The following DNAAF9 variants were observed in gnomAD, a reference collection of about 807,000 sequenced individuals.
The protein encoded by DNAAF9 is shulin.
In DNAAF9, 90 loss-of-function variants were observed where a neutral mutation model predicts 167.0. The ratio of observed to expected loss-of-function variants is 0.54; its 90% CI spans 0.45 to 0.64. The LOEUF (loss-of-function observed/expected upper bound fraction) is 0.64, where lower values mean the gene tolerates loss of function less well. DNAAF9 is among the 30% of genes least tolerant of loss of function. The probability of loss-of-function intolerance (pLI) is 0.00; values close to 1 mark genes in which losing one functional copy is unlikely to be tolerated. For missense variants in DNAAF9, 1,315 were observed against 1,442.2 expected (o/e 0.91, Z 1.43); for synonymous variants, 491 against 508.8 (o/e 0.96, Z 0.47).
chr20:3,350,148 G>GACACACACACACACACACACAC (rs1324124710), intron 7 of DNAAF9, among the ~76,000 whole-genome samples: 39 of 68,932 alleles, frequency 5.7e-4, no homozygotes, highest in Non-Finnish European at 1.2e-3. Context: ...CAGACACACA[G>GACACACACACACACACACACAC]ACACACAGAC....
At chr20:3,360,637 C>T (rs1034884811) in intron 6 of DNAAF9, among the ~76,000 whole-genome samples, 2 of 152,154 alleles carry the variant, frequency 1.3e-5, no homozygotes, top group Non-Finnish European at 2.9e-5. Context: ...ACACCGGGTT[C>T]TTTCTTAATC....
Position 3,253,726 on chromosome 20 carries a change from G to A in DNAAF9, c.3421C>T (p.Leu1141Phe), listed in dbSNP as rs766713302. 43 of 1,586,810 alleles carry A rather than the reference G, an allele frequency of 2.7e-5. No homozygotes were observed. In the Admixed American group the frequency reaches 4.2e-4, roughly 15 times the overall value. ...AGGGACCACGCTGTTCCAAGGATACGTGGGTGAAAATCAGTTTTGTCACCA... is the reference window on the plus strand; with the variant it reads ...AGGGACCACGCTGTTCCAAGGATACATGGGTGAAAATCAGTTTTGTCACCA... Reference protein sequence around the residue: ...FFGDKTDFHPLMDQFMNDYVE... With the variant: ...FFGDKTDFHPFMDQFMNDYVE... The change falls in exon 36 of 37, where the codon CTC (leucine) becomes TTC (phenylalanine). Residue 1141 changes from leucine to phenylalanine, a missense_variant and splice_region_variant. This residue lies in a region of DNAAF9 where 334 missense variants were observed against 429.7 expected (regional missense o/e 0.78). Coordinates refer to ENST00000252032, the MANE Select transcript of DNAAF9 (RefSeq NM_001009984.3).
chr20:3,304,445 C>G lies in DNAAF9; in HGVS notation c.1777G>C (p.Asp593His), dbSNP rs372469664. The change falls in exon 21 of 37, where the codon GAT becomes CAT. Residue 593 changes from aspartate to histidine, a missense_variant. Physicochemically the swap from Asp to His is moderately conservative, Grantham distance 81. Transcript: ENST00000252032. Reference protein sequence around the residue: ...KDHMNSISFYDGDSTSTVAAL... With the variant: ...KDHMNSISFYHGDSTSTVAAL... ...CTGACTAGTAAAACACCTACCCCAT[C>G]ATAGAAGGAAATGGAATTCATGTGA... The G allele has an allele frequency of 1.1e-5, 16 of 1,412,482 alleles. No individual in the cohort carries two copies. In the African/African-American group the frequency reaches 2.1e-4, roughly 19 times the overall value. 87.5% of individuals were successfully genotyped at this position (1,412,482 alleles called of 1,614,324 possible).
intron 7 of DNAAF9, among the ~76,000 whole-genome samples, chr20:3,348,939 T>C (rs1179638065): frequency 2.0e-5 from 3 of 152,052 alleles, no homozygotes; most frequent in East Asian, 1.9e-4. Context: ...TGACTGCAAG[T>C]GGGCACAAGG....
At chr20:3,364,939 CCTTTTTT>C (rs2083410585) in intron 6 of DNAAF9, among the ~76,000 whole-genome samples, 2 of 67,848 alleles carry the variant, frequency 2.9e-5, no homozygotes, top group Non-Finnish European at 6.1e-5. Flanking sequence ...TCCTTCTTTT[CCTTTTTT>C]CTTTTTTTTT....
intron 18 of DNAAF9, chr20:3,316,156 C>T (rs960522289): frequency 3.1e-5 from 8 of 256,576 alleles, no homozygotes; most frequent in African/African-American, 1.1e-4. Flanking sequence ...GGATAACTCT[C>T]GGTCTTCCCT....
At chr20:3,331,334 T>C (rs2069825156) in intron 11 of DNAAF9, among the ~76,000 whole-genome samples, 1 of 152,174 alleles carries the variant, frequency 6.6e-6, no homozygotes. Context: ...ATCTCCTTAA[T>C]TACCTGACCC....
At chr20:3,297,896 C>T (rs1351012022) in intron 22 of DNAAF9, 133 bp downstream of exon 22, 1 of 722,408 alleles carries the variant, frequency 1.4e-6, no homozygotes, top group Non-Finnish European at 2.4e-6. Context: ...GAAGCAGTCA[C>T]CCCACACCAT....
intron 21 of DNAAF9, among the ~76,000 whole-genome samples, chr20:3,303,610 A>G (rs1413511055): frequency 6.6e-6 from 1 of 152,214 alleles, no homozygotes; most frequent in East Asian, 1.9e-4. Context: ...ACAGCCTTTA[A>G]GGCTGCAGGC....
intron 12 of DNAAF9, among the ~76,000 whole-genome samples, chr20:3,329,702 T>G (rs2069785104): frequency 6.6e-6 from 1 of 152,222 alleles, no homozygotes; most frequent in African/African-American, 2.4e-5. Context: ...TCACTGCTGG[T>G]CACAGGGAAG....
intron 1 of DNAAF9, among the ~76,000 whole-genome samples, chr20:3,394,855 T>C (rs1318195650): frequency 1.3e-5 from 2 of 151,970 alleles, no homozygotes; most frequent in East Asian, 3.9e-4. Flanking sequence ...CACTTGAACT[T>C]GCTAGTATAC....
In DNAAF9 at chr20:3,335,884, A is replaced by G. The variant is rs538734922; in HGVS notation, c.982-3523T>C. 4.6e-5 allele frequency among the ~76,000 whole-genome samples: 7 copies of G among 151,858 alleles called. No individual in the cohort carries two copies. The South Asian group carries it at 1.5e-3, about 32-fold the overall frequency. On this transcript the variant is annotated intron_variant, in intron 10 of 36. Coordinates refer to ENST00000252032, the MANE Select transcript of DNAAF9 (RefSeq NM_001009984.3). ...ATGCCTGTTATCTCAGCACTTTAAG[A>G]GGCCAAGGCAGGTGCATCACTTGAG...
intron 6 of DNAAF9, among the ~76,000 whole-genome samples, chr20:3,370,744 A>G (rs2083496227): frequency 1.3e-5 from 2 of 152,062 alleles, no homozygotes; most frequent in African/African-American, 4.8e-5. Context: ...TTTTGTTGCC[A>G]GGCTGGTCTT....
At chr20:3,262,718 T>G (rs1037304133) in intron 31 of DNAAF9, among the ~76,000 whole-genome samples, 1 of 151,878 alleles carries the variant, frequency 6.6e-6, no homozygotes, top group African/African-American at 2.4e-5. Flanking sequence ...GACCCAGAGG[T>G]TCAGGCAGCA....
chr20:3,351,911 T>A (rs912977136), intron 7 of DNAAF9, among the ~76,000 whole-genome samples: 2 of 151,940 alleles, frequency 1.3e-5, no homozygotes, highest in African/African-American at 4.8e-5. Flanking sequence ...CTCAGTGGCA[T>A]GATCTCAGCT....
intron 24 of DNAAF9, 53 bp from the exon 25 acceptor site, chr20:3,294,309 G>A: frequency 8.3e-7 from 1 of 1,201,292 alleles, no homozygotes; most frequent in African/African-American, 1.5e-5. Flanking sequence ...TGTCCTGAAG[G>A]TGCCTACTCA....
chr20:3,273,305 A>G (rs1711782502), intron 29 of DNAAF9, among the ~76,000 whole-genome samples: 1 of 152,220 alleles, frequency 6.6e-6, no homozygotes, highest in South Asian at 2.1e-4. Flanking sequence ...AATTAGCTGT[A>G]TTCAGTTATT....
intron 17 of DNAAF9, among the ~76,000 whole-genome samples, chr20:3,317,845 C>G (rs1212316193): frequency 1.3e-5 from 2 of 152,156 alleles, no homozygotes; most frequent in African/African-American, 4.8e-5. Flanking sequence ...GATTCGCCCA[C>G]CTTGGGCTCC....
intron 9 of DNAAF9, among the ~76,000 whole-genome samples, chr20:3,341,661 A>G (rs1412673658): frequency 6.6e-6 from 1 of 152,020 alleles, no homozygotes; most frequent in African/African-American, 2.4e-5. Context: ...CATGGCCACA[A>G]CCTTAGTCCA....
Sources: gnomAD v4.1 joint callset for allele counts (sites outside exome capture counted in the v4.1 genomes callset) on GRCh38, gnomAD v4.1.1 for gene constraint, gnomAD v4.1.1 regional missense constraint, MANE v1.5 for transcripts, NCBI Gene and HGNC (gene_info 2026-07-23, HGNC 2026-07-21) for gene names.